Variants in NRG3 observed in about 807,000 individuals in gnomAD.
NRG3 encodes the protein pro-neuregulin-3, membrane-bound isoform.
In NRG3, 31 loss-of-function variants were observed where a neutral mutation model predicts 66.9. The observed-to-expected ratio is 0.46, with a 90% CI of 0.35 to 0.63. The LOEUF (loss-of-function observed/expected upper bound fraction) is 0.63, where lower values mean the gene tolerates loss of function less well. Ranked by LOEUF, NRG3 falls within the 20% of genes least tolerant of loss-of-function variation. The pLI is 0.00. For missense variants in NRG3, 910 were observed against 878.9 expected (o/e 1.04, Z -0.45); for synonymous variants, 393 against 359.4 (o/e 1.09, Z -1.06).
intron 4 of NRG3, among the ~76,000 whole-genome samples, chr10:82,929,082 A>G (rs1015778801): frequency 3.9e-5 from 6 of 152,152 alleles, no homozygotes; most frequent in Non-Finnish European, 7.3e-5. Flanking sequence ...GTATTCTAAA[A>G]TGGATCGTTT....
chr10:82,968,051 G>A (rs775025255), intron 6 of NRG3, among the ~76,000 whole-genome samples: 1 of 152,218 alleles, frequency 6.6e-6, no homozygotes, highest in Non-Finnish European at 1.5e-5. Context: ...TAAGGTGGCA[G>A]TGTGCCCTTC....
chr10:82,811,428 G>A (rs1215096814), intron 3 of NRG3, among the ~76,000 whole-genome samples: 2 of 152,128 alleles, frequency 1.3e-5, no homozygotes, highest in Non-Finnish European at 2.9e-5. Context: ...TAAAGTTTTT[G>A]GAATTTTAAC....
At chr10:82,173,638 C>A (rs1374795389) in intron 1 of NRG3, among the ~76,000 whole-genome samples, 2 of 150,612 alleles carry the variant, frequency 1.3e-5, no homozygotes, top group South Asian at 2.1e-4. Flanking sequence ...GACCTAGAGA[C>A]CCTCATGTAA....
At chr10:82,373,145 G>T (rs1030323746) in intron 2 of NRG3, among the ~76,000 whole-genome samples, 1 of 152,172 alleles carries the variant, frequency 6.6e-6, no homozygotes, top group African/African-American at 2.4e-5. Flanking sequence ...CCTTGTTATG[G>T]GTCAGGCAGC....
rs537660373 is a variant in NRG3 at position 82,068,848 on chromosome 10, G to A, written c.823+192685G>A. On this transcript the variant is annotated intron_variant, in intron 1 of 8. Transcript: ENST00000372141. ...CTATAAAGTATGGAATGAAATAATC[G>A]TATTTGTGTACTTAAAAATCACTCT... Among the ~76,000 whole-genome samples, 12 of 152,206 alleles carry A rather than the reference G, an allele frequency of 7.9e-5. No individual in the cohort carries two copies. In the South Asian group the frequency reaches 1.0e-3, roughly 13 times the overall value.
At chr10:82,186,582 G>C (rs2073822879) in intron 1 of NRG3, among the ~76,000 whole-genome samples, 1 of 152,130 alleles carries the variant, frequency 6.6e-6, no homozygotes, top group Non-Finnish European at 1.5e-5. Context: ...GGACCTTAAT[G>C]GCAATTAAAT....
chr10:81,886,170 A>C (rs963599101), intron 1 of NRG3, among the ~76,000 whole-genome samples: 7 of 152,120 alleles, frequency 4.6e-5, no homozygotes, highest in African/African-American at 1.7e-4. Context: ...AACTTAAATA[A>C]AATTAAAAAA....
intron 1 of NRG3, among the ~76,000 whole-genome samples, chr10:82,055,525 A>G (rs2063803856): frequency 6.6e-6 from 1 of 151,870 alleles, no homozygotes; most frequent in East Asian, 1.9e-4. Context: ...TAGTGTAGTG[A>G]TGAGCAAAAA....
intron 4 of NRG3, among the ~76,000 whole-genome samples, chr10:82,896,343 G>C (rs549407980): frequency 4.6e-5 from 7 of 152,216 alleles, no homozygotes; most frequent in African/African-American, 1.7e-4. Context: ...GGTGGAACCA[G>C]GCTCCAAGCC....
chr10:82,222,285 T>C (rs2075977461), intron 1 of NRG3, among the ~76,000 whole-genome samples: 1 of 152,018 alleles, frequency 6.6e-6, no homozygotes, highest in Non-Finnish European at 1.5e-5. Context: ...TATAATCTAG[T>C]GTGAGTAATA....
chr10:82,847,376 A>C (rs2063354236), intron 3 of NRG3, among the ~76,000 whole-genome samples: 1 of 152,182 alleles, frequency 6.6e-6, no homozygotes, highest in Admixed American at 6.5e-5. Context: ...TCAAGTAGGC[A>C]AATAGCAATG....
rs560226956 is a variant in NRG3 at position 82,194,740 on chromosome 10, G to A, written c.824-163999G>A. 9.2e-5 allele frequency among the ~76,000 whole-genome samples: 14 copies of A among 152,244 alleles called. No homozygotes were observed. The South Asian group carries it at 1.0e-3, about 11-fold the overall frequency. On this transcript the variant is annotated intron_variant, in intron 1 of 8. Coordinates refer to ENST00000372141, the MANE Select transcript of NRG3 (RefSeq NM_001010848.4). ...AGTGCAGGTGGCATCTGACTTTGGCGTTGAATAATAGATATTATTATCCTG... is the reference window on the plus strand; with the variant it reads ...AGTGCAGGTGGCATCTGACTTTGGCATTGAATAATAGATATTATTATCCTG...
chr10:81,922,457 T>C (rs80139040), intron 1 of NRG3, among the ~76,000 whole-genome samples: 2,861 of 152,272 alleles, frequency 0.019, 74 homozygotes, highest in African/African-American at 0.063. Flanking sequence ...CCACACTCTA[T>C]GTGCATATGT....
rs961138593 is a variant in NRG3, at chr10:81,923,955, CTTG to C, written c.823+47797_823+47799del. 2.0e-5 allele frequency among the ~76,000 whole-genome samples: 3 copies of C among 152,246 alleles called. No homozygotes were observed. In the East Asian group the frequency reaches 5.8e-4, roughly 29 times the overall value. On this transcript the variant is annotated intron_variant, in intron 1 of 8. Transcript: ENST00000372141. ...TGCGTATGTGCCTTAGGCCAGCAGTCTTGTTGTATGTCTGCAGCACTGAAATAG... is the reference window on the plus strand; with the variant it reads ...TGCGTATGTGCCTTAGGCCAGCAGTCTTGTATGTCTGCAGCACTGAAATAG...
chr10:82,891,250 T>G (rs546947013), intron 4 of NRG3, among the ~76,000 whole-genome samples: 44 of 151,958 alleles, frequency 2.9e-4, no homozygotes, highest in African/African-American at 9.9e-4. Context: ...ATATTAAATA[T>G]TCTAATCGGT....
intron 1 of NRG3, among the ~76,000 whole-genome samples, chr10:82,136,849 A>G (rs2069398612): frequency 6.6e-6 from 1 of 152,182 alleles, no homozygotes; most frequent in Non-Finnish European, 1.5e-5. Context: ...GACAGACAGC[A>G]TCAAGTTCTA....
At chr10:82,580,249 C>A (rs1283953049) in intron 2 of NRG3, among the ~76,000 whole-genome samples, 1 of 151,860 alleles carries the variant, frequency 6.6e-6, no homozygotes, top group Non-Finnish European at 1.5e-5. Context: ...ATGTAAATAT[C>A]TTTTTGAAAA....
chr10:81,996,913 A>G (rs1454795469), intron 1 of NRG3, among the ~76,000 whole-genome samples: 3 of 152,180 alleles, frequency 2.0e-5, no homozygotes, highest in African/African-American at 2.4e-5. Flanking sequence ...GGTATCTCAC[A>G]TAAATGTCTC....
At chr10:82,025,539 A>AT (rs1388889081) in intron 1 of NRG3, among the ~76,000 whole-genome samples, 2 of 151,828 alleles carry the variant, frequency 1.3e-5, no homozygotes, top group African/African-American at 2.4e-5. Flanking sequence ...ATATTTTAAG[A>AT]TTTTTTCATA....
Sources: allele counts gnomAD v4.1 joint callset (sites outside exome capture counted in the v4.1 genomes callset), GRCh38; gene constraint gnomAD v4.1.1; transcripts MANE v1.5; gene names NCBI Gene and HGNC (gene_info 2026-07-23, HGNC 2026-07-21).